The following ESR1 variants were observed in gnomAD, a reference collection of about 807,000 sequenced individuals.
ESR1 encodes the protein estrogen receptor 1.
In ESR1, 12 loss-of-function variants were observed where a neutral mutation model predicts 52.7. The ratio of observed to expected loss-of-function variants is 0.23; its 90% CI spans 0.15 to 0.37. The LOEUF (loss-of-function observed/expected upper bound fraction) is 0.37, where lower values mean the gene tolerates loss of function less well. Among genes scored for constraint, ESR1 ranks in the 10% least tolerant of loss-of-function variants. ESR1 has a pLI of 1.00. For synonymous variants in ESR1, 305 were observed against 316.8 expected (o/e 0.96, Z 0.39); for missense variants, 584 against 779.7 (o/e 0.75, Z 2.99).
At chr6:152,010,962 CCTT>C (rs1325014856) in intron 4 of ESR1, among the ~76,000 whole-genome samples, 1 of 151,484 alleles carries the variant, frequency 6.6e-6, no homozygotes, top group Non-Finnish European at 1.5e-5. Flanking sequence ...CTTCCTACCT[CCTT>C]CTCATTATTG....
chr6:151,805,716 C>T (rs1441096745), upstream of ESR1: 1 of 152,470 alleles, frequency 6.6e-6, no homozygotes, highest in Non-Finnish European at 1.5e-5. Flanking sequence ...CACACTGAGC[C>T]ACTCGCACAT....
intron 2 of ESR1, among the ~76,000 whole-genome samples, chr6:151,750,846 A>G (rs1314361237): frequency 1.3e-5 from 2 of 152,238 alleles, no homozygotes; most frequent in African/African-American, 4.8e-5. Flanking sequence ...CAAAAGTCAG[A>G]GTTCAAACTG....
At chr6:151,966,389 C>G (rs1460791429) in intron 4 of ESR1, among the ~76,000 whole-genome samples, 1 of 152,034 alleles carries the variant, frequency 6.6e-6, no homozygotes, top group African/African-American at 2.4e-5. Flanking sequence ...CCTGTAGGTC[C>G]TCAATAGGCT....
At chr6:151,695,191 G>A (rs960353890) in intron 1 of ESR1, among the ~76,000 whole-genome samples, 8 of 152,160 alleles carry the variant, frequency 5.3e-5, no homozygotes, top group Non-Finnish European at 1.2e-4. Flanking sequence ...TGCATACCTG[G>A]AGCTTGGTTT....
At chr6:151,888,487 A>C (rs970767004) in intron 3 of ESR1, among the ~76,000 whole-genome samples, 5 of 152,138 alleles carry the variant, frequency 3.3e-5, no homozygotes, top group Non-Finnish European at 5.9e-5. Flanking sequence ...TAGTGTATAG[A>C]AACACTACTG....
intron 1 of ESR1, among the ~76,000 whole-genome samples, chr6:151,839,995 A>T (rs897879231): frequency 6.6e-6 from 1 of 152,204 alleles, no homozygotes; most frequent in Admixed American, 6.5e-5. Flanking sequence ...ATAGCATTTT[A>T]TTATGTAGGC....
chr6:151,696,088 A>G (rs200562458), intron 1 of ESR1, among the ~76,000 whole-genome samples: 1 of 152,152 alleles, frequency 6.6e-6, no homozygotes, highest in African/African-American at 2.4e-5. Context: ...TTCTTTTTCT[A>G]ATTTTATTTA....
At chr6:152,128,833 C>G (rs938787686) in exon 7 of ESR1, 1 of 152,178 alleles carries the variant, frequency 6.6e-6, no homozygotes, top group South Asian at 2.1e-4. Context: ...TTCATTCTTC[C>G]CCAGCAGACT....
intron 1 of ESR1, among the ~76,000 whole-genome samples, chr6:151,820,839 G>A (rs1405421151): frequency 6.6e-6 from 1 of 152,098 alleles, no homozygotes; most frequent in African/African-American, 2.4e-5. Flanking sequence ...AATATCAGAA[G>A]CCAATAAATG....
rs915863060 is a variant in ESR1, at chr6:151,966,472, G to A, written c.1096+21964G>A. Among the ~76,000 whole-genome samples, 5 of 151,486 alleles carry A rather than the reference G, an allele frequency of 3.3e-5. No individual in the cohort carries two copies. In the South Asian group the frequency reaches 1.0e-3, roughly 31 times the overall value. On this transcript the variant is annotated intron_variant, in intron 4 of 7. Transcript: ENST00000206249. Reference sequence around the variant, plus strand: ...ATGTTTTGGCTTCTTTTTCTCTTTTGTTGTCTCTCTTTTCTCCTTGAATGT... The same window carrying A: ...ATGTTTTGGCTTCTTTTTCTCTTTTATTGTCTCTCTTTTCTCCTTGAATGT...
chr6:151,707,422 C>T (rs1483442290), intron 2 of ESR1, among the ~76,000 whole-genome samples: 4 of 151,642 alleles, frequency 2.6e-5, no homozygotes, highest in Admixed American at 2.0e-4. Flanking sequence ...TAATAAAAAT[C>T]TAAGATACAA....
intron 1 of ESR1, among the ~76,000 whole-genome samples, chr6:151,671,170 G>A: frequency 6.6e-6 from 1 of 152,126 alleles, no homozygotes; most frequent in East Asian, 1.9e-4. Context: ...GTGAAGGGGT[G>A]AACTTCTGGG....
intron 2 of ESR1, among the ~76,000 whole-genome samples, chr6:151,731,388 A>G (rs774250470): frequency 4.0e-5 from 6 of 151,522 alleles, no homozygotes; most frequent in Admixed American, 3.9e-4. Context: ...GTGGGGGCAG[A>G]TAAGTTTTTT....
intron 5 of ESR1, among the ~76,000 whole-genome samples, chr6:152,054,460 C>T (rs2046942870): frequency 6.6e-6 from 1 of 152,004 alleles, no homozygotes. Context: ...CTCACGTCTT[C>T]TCTCCCCCTC....
intron 3 of ESR1, among the ~76,000 whole-genome samples, chr6:151,926,896 G>A (rs546135280): frequency 1.3e-5 from 2 of 152,208 alleles, no homozygotes; most frequent in East Asian, 3.9e-4. Context: ...TATAATAGGA[G>A]GAATGAGATA....
chr6:151,918,677 T>C (rs1354436723), intron 3 of ESR1, among the ~76,000 whole-genome samples: 1 of 152,188 alleles, frequency 6.6e-6, no homozygotes, highest in Non-Finnish European at 1.5e-5. Flanking sequence ...GGTGGAAAAG[T>C]TGGCAATTAA....
At chr6:151,723,927 T>C (rs1781648247) in intron 2 of ESR1, among the ~76,000 whole-genome samples, 1 of 151,888 alleles carries the variant, frequency 6.6e-6, no homozygotes, top group Admixed American at 6.6e-5. Flanking sequence ...TAAAATTTTC[T>C]AAAAAATAAA....
intron 4 of ESR1, among the ~76,000 whole-genome samples, chr6:151,948,421 A>T (rs1191464086): frequency 6.6e-6 from 1 of 152,184 alleles, no homozygotes; most frequent in African/African-American, 2.4e-5. Flanking sequence ...TATAACCCAA[A>T]GTGTAGCAGC....
chr6:151,843,295 G>C (rs1784592984), intron 2 of ESR1, among the ~76,000 whole-genome samples: 1 of 152,154 alleles, frequency 6.6e-6, no homozygotes, highest in Admixed American at 6.6e-5. Flanking sequence ...ATGGATGACA[G>C]GATATTTTGC....
Sources: allele counts gnomAD v4.1 joint callset (sites outside exome capture counted in the v4.1 genomes callset), GRCh38; gene constraint gnomAD v4.1.1; transcripts MANE v1.5; gene names NCBI Gene and HGNC (gene_info 2026-07-23, HGNC 2026-07-21).